Variants in SGCD observed in about 807,000 individuals in gnomAD.
SGCD encodes the protein sarcoglycan delta.
A neutral mutation model predicts 36.6 loss-of-function variants in SGCD; 18 were observed. That is an observed-to-expected ratio of 0.49 (90% confidence interval 0.34 to 0.73). The LOEUF (loss-of-function observed/expected upper bound fraction) is 0.73, where lower values mean the gene tolerates loss of function less well. SGCD is among the 30% of genes least tolerant of loss of function. SGCD has a pLI of 0.01. For synonymous variants in SGCD, 133 were observed against 130.6 expected, an observed-to-expected ratio of 1.02 and a Z score of -0.12; for missense variants, 387 against 346.7, an observed-to-expected ratio of 1.12 and a Z score of -0.92.
chr5:156,616,652 T>C (rs1044591958), intron 6 of SGCD, among the ~76,000 whole-genome samples: 3 of 152,226 alleles, frequency 2.0e-5, no homozygotes, highest in African/African-American at 4.8e-5. Flanking sequence ...TCCCTCTGCA[T>C]AGAATCCTCT....
intron 1 of SGCD, among the ~76,000 whole-genome samples, chr5:156,084,002 C>A (rs1486248547): frequency 7.9e-5 from 12 of 152,102 alleles, no homozygotes; most frequent in Non-Finnish European, 8.8e-5. Flanking sequence ...GATTACTTAG[C>A]CATACAGTAA....
chr5:156,291,310 C>T (rs1482315622), intron 3 of SGCD, among the ~76,000 whole-genome samples: 1 of 151,928 alleles, frequency 6.6e-6, no homozygotes, highest in African/African-American at 2.4e-5. Context: ...TCCCAAATAC[C>T]CTGTCTTGGT....
At chr5:156,489,897 C>G (rs55661809) in intron 3 of SGCD, among the ~76,000 whole-genome samples, 1 of 151,258 alleles carries the variant, frequency 6.6e-6, no homozygotes, top group Non-Finnish European at 1.5e-5. Flanking sequence ...AAAATAGAAA[C>G]TAAGAAAAAA....
At chr5:156,592,692 T>G (rs888984948) in intron 5 of SGCD, among the ~76,000 whole-genome samples, 1 of 152,130 alleles carries the variant, frequency 6.6e-6, no homozygotes, top group African/African-American at 2.4e-5. Flanking sequence ...GCCCTCCGCC[T>G]TGCCCCCATT....
intron 3 of SGCD, among the ~76,000 whole-genome samples, chr5:156,206,597 T>A (rs915145169): frequency 2.0e-5 from 3 of 152,074 alleles, no homozygotes; most frequent in Non-Finnish European, 4.4e-5. Flanking sequence ...ACAAGACCAG[T>A]GTGGTTAAAT....
chr5:156,431,015 GAT>G (rs756202354), intron 3 of SGCD, among the ~76,000 whole-genome samples: 22 of 152,164 alleles, frequency 1.4e-4, no homozygotes, highest in Non-Finnish European at 2.8e-4. Flanking sequence ...CAGGTGGGTA[GAT>G]ATAATACTCA....
At chr5:156,636,838 G>A (rs1267948440) in intron 6 of SGCD, among the ~76,000 whole-genome samples, 1 of 152,112 alleles carries the variant, frequency 6.6e-6, no homozygotes, top group East Asian at 1.9e-4. Context: ...GAAGAACATG[G>A]CCATATGGAA....
chr5:156,277,407 C>T (rs1766345593), intron 3 of SGCD, among the ~76,000 whole-genome samples: 1 of 152,096 alleles, frequency 6.6e-6, no homozygotes, highest in South Asian at 2.1e-4. Flanking sequence ...TAGTAGCTAA[C>T]AGGTATAAAA....
intron 1 of SGCD, among the ~76,000 whole-genome samples, chr5:155,916,884 A>G (rs966720642): frequency 1.3e-5 from 2 of 152,172 alleles, no homozygotes; most frequent in African/African-American, 4.8e-5. Context: ...TCCAGACCCA[A>G]TGAGAGATGA....
chr5:156,367,024 CA>C (rs1159221157), intron 3 of SGCD, among the ~76,000 whole-genome samples: 1 of 152,148 alleles, frequency 6.6e-6, no homozygotes, highest in Admixed American at 6.5e-5. Context: ...CAGTTTGTGC[CA>C]GCCAACTAAT....
intron 1 of SGCD, among the ~76,000 whole-genome samples, chr5:156,070,923 G>T (rs1415436888): frequency 6.6e-6 from 1 of 152,184 alleles, no homozygotes; most frequent in Admixed American, 6.5e-5. Context: ...TTGCATAGAG[G>T]TGTTTGTAGT....
intron 7 of SGCD, among the ~76,000 whole-genome samples, chr5:156,711,671 GC>G (rs766312518): frequency 1.3e-5 from 2 of 152,230 alleles, no homozygotes; most frequent in Non-Finnish European, 2.9e-5. Context: ...TTTGAAATCA[GC>G]TTTTATATTT....
At chr5:156,757,147 T>G (rs985069897) in intron 7 of SGCD, among the ~76,000 whole-genome samples, 24 of 151,726 alleles carry the variant, frequency 1.6e-4, no homozygotes, top group African/African-American at 5.8e-4. Context: ...CTAGACCCAT[T>G]TTTTTAACCT....
chr5:156,564,804 A>G (rs1159249975), intron 4 of SGCD, among the ~76,000 whole-genome samples: 3 of 152,282 alleles, frequency 2.0e-5, no homozygotes, highest in Admixed American at 1.3e-4. Context: ...AGGTTCTTCC[A>G]TGATGTAGCA....
intron 3 of SGCD, among the ~76,000 whole-genome samples, chr5:156,301,557 G>T (rs896968265): frequency 6.6e-6 from 1 of 151,942 alleles, no homozygotes; most frequent in Admixed American, 6.6e-5. Context: ...AATTACAGGG[G>T]TTATAATAGT....
chr5:156,445,271 C>A (rs1184962504), intron 3 of SGCD, among the ~76,000 whole-genome samples: 1 of 152,068 alleles, frequency 6.6e-6, no homozygotes, highest in Non-Finnish European at 1.5e-5. Flanking sequence ...CCAATGTTGG[C>A]TTTTCTTCTG....
intron 7 of SGCD, among the ~76,000 whole-genome samples, chr5:156,743,758 A>T (rs916835214): frequency 2.6e-5 from 4 of 152,158 alleles, no homozygotes; most frequent in Non-Finnish European, 4.4e-5. Flanking sequence ...CTAGAATATT[A>T]TGAATAGATT....
chr5:155,969,743 A>G (rs1260117503), intron 1 of SGCD, among the ~76,000 whole-genome samples: 1 of 152,066 alleles, frequency 6.6e-6, no homozygotes, highest in Non-Finnish European at 1.5e-5. Context: ...GACGTGGGCT[A>G]GTGTGTGGAA....
chr5:156,147,490 C>A (rs953426303), intron 3 of SGCD, among the ~76,000 whole-genome samples: 4 of 152,194 alleles, frequency 2.6e-5, no homozygotes, highest in Non-Finnish European at 5.9e-5. Flanking sequence ...ACAGCAATAA[C>A]CACATTTTTA....
Sources: allele counts gnomAD v4.1 joint callset (sites outside exome capture counted in the v4.1 genomes callset), GRCh38; gene constraint gnomAD v4.1.1; transcripts MANE v1.5; gene names NCBI Gene and HGNC (gene_info 2026-07-23, HGNC 2026-07-21).